The following COL27A1 variants were observed in gnomAD, a reference collection of about 807,000 sequenced individuals.
COL27A1 encodes collagen alpha-1(XXVII) chain.
Under a neutral mutation model 251.3 loss-of-function variants are expected in COL27A1, and 106 were observed. That is an observed-to-expected ratio of 0.42 (90% CI 0.36 to 0.50). The LOEUF is 0.50. COL27A1 is among the 20% of genes least tolerant of loss of function. COL27A1 has a pLI of 0.00. For synonymous variants in COL27A1, 1,000 were observed against 986.3 expected (o/e 1.01, Z -0.26); for missense variants, 2,325 against 2,522.8 (o/e 0.92, Z 1.68).
rs773468575 is a variant in COL27A1 at position 114,167,855 on chromosome 9, G to T, written c.300G>T (p.Leu100=). 4.3e-6 allele frequency: 7 copies of T among 1,613,510 alleles called. No individual in the cohort carries two copies. The South Asian group carries it at 7.7e-5, about 18-fold the overall frequency. Residue 100 remains leucine, a synonymous_variant, in exon 3 of 61, where the codon CTG becomes CTT. Coordinates refer to ENST00000356083, the MANE Select transcript of COL27A1 (RefSeq NM_032888.4). The part of the protein sequence containing the change: ...IPAALGTELA[L]VLSLCSHRVN... ...CCGCCTTGGGCACAGAGCTGGCACT[G>T]GTGCTGAGCCTCTGCTCCCACCGGG...
At chr9:114,239,825 C>T in intron 19 of COL27A1, among the ~76,000 whole-genome samples, 1 of 152,198 alleles carries the variant, frequency 6.6e-6, no homozygotes, top group Non-Finnish European at 1.5e-5. Context: ...AAATCATCCT[C>T]TTTGCAGGAT....
chr9:114,245,380 C>T (rs1000050541), intron 23 of COL27A1, among the ~76,000 whole-genome samples: 11 of 152,102 alleles, frequency 7.2e-5, no homozygotes, highest in Non-Finnish European at 1.3e-4. Flanking sequence ...TGGTCTCGAA[C>T]TCCTGACCTC....
intron 11 of COL27A1, 42 bp from the exon 12 acceptor site, chr9:114,210,940 C>A (rs745629240): frequency 1.2e-6 from 2 of 1,610,154 alleles, no homozygotes; most frequent in Admixed American, 1.7e-5. Context: ...GCTGTCCCTG[C>A]TGGCATCCTG....
In COL27A1 at chr9:114,217,459, C is replaced by A. The variant is rs112188235; in HGVS notation, c.2368-2332C>A. On this transcript the variant is annotated intron_variant, in intron 12 of 60. Transcript: ENST00000356083. ...CTGGAATGGCCTCTGAATGCAGACC[C>A]ATGGGTCTGAGACCTGCCTGGCAGC... Among the ~76,000 whole-genome samples, 16 of 152,314 alleles carry A rather than the reference C, an allele frequency of 1.1e-4. 1 individual carries two copies. The highest frequency in any genetic ancestry group is 2.9e-4 in the African/African-American group (12 of 41,572).
chr9:114,179,631 C>T (rs922541858), intron 4 of COL27A1, among the ~76,000 whole-genome samples: 2 of 152,244 alleles, frequency 1.3e-5, no homozygotes, highest in East Asian at 3.8e-4. Flanking sequence ...TCATTGACCA[C>T]TAAACTCTGT....
chr9:114,183,038 A>G lies in COL27A1; in HGVS notation c.1979A>G (p.Tyr660Cys). Residue 660 changes from tyrosine (Y) to cysteine (C), a missense_variant, in exon 5 of 61, where the codon TAT (tyrosine) becomes TGT (cysteine). This residue lies in a region of COL27A1 where 1,183 missense variants were observed against 1,144.1 expected (regional missense o/e 1.03). Coordinates refer to ENST00000356083, the MANE Select transcript of COL27A1 (RefSeq NM_032888.4). ...CTCTTTCAGGGTCCTCCTGGGCCTTATGGAAATCCAGGTCTCCCCGGCCCT... is the reference window on the plus strand; with the variant it reads ...CTCTTTCAGGGTCCTCCTGGGCCTTGTGGAAATCCAGGTCTCCCCGGCCCT... ...ARGPRGPPGPYGNPGLPGPPG... is the reference protein window; with the variant it reads ...ARGPRGPPGPCGNPGLPGPPG... 2 of 1,613,604 alleles carry G rather than the reference A, an allele frequency of 1.2e-6. No homozygotes were observed. The highest frequency in any genetic ancestry group is 1.7e-6 in the Non-Finnish European group (2 of 1,179,936).
At chr9:114,164,596 G>A (rs1316850152) in intron 2 of COL27A1, among the ~76,000 whole-genome samples, 6 of 152,224 alleles carry the variant, frequency 3.9e-5, no homozygotes. Context: ...GATGTGAGCA[G>A]GCCTGAGGGG....
intron 3 of COL27A1, among the ~76,000 whole-genome samples, chr9:114,170,369 C>T (rs995906928): frequency 1.2e-4 from 19 of 152,182 alleles, no homozygotes; most frequent in Admixed American, 1.2e-3. Context: ...CCAATTCCTC[C>T]GGGTGGGGAA....
chr9:114,300,256 A>G, intron 50 of COL27A1, 133 bp downstream of exon 50: 1 of 848,834 alleles, frequency 1.2e-6, no homozygotes, highest in Non-Finnish European at 1.9e-6. Context: ...AGGCATGAAC[A>G]CCCTCATCCC....
At chr9:114,296,299 C>T (rs1471816534) in intron 49 of COL27A1, among the ~76,000 whole-genome samples, 2 of 152,138 alleles carry the variant, frequency 1.3e-5, no homozygotes, top group African/African-American at 4.8e-5. Context: ...ATTTCTAAAT[C>T]ATGTATCTGA....
intron 49 of COL27A1, among the ~76,000 whole-genome samples, chr9:114,293,635 C>T (rs1211792170): frequency 6.7e-6 from 1 of 149,538 alleles, no homozygotes; most frequent in Non-Finnish European, 1.5e-5. Context: ...CAGGAAACAA[C>T]AAAAACAACA....
chr9:114,215,460 T>C (rs975430505), intron 12 of COL27A1, among the ~76,000 whole-genome samples: 3 of 152,204 alleles, frequency 2.0e-5, no homozygotes, highest in African/African-American at 7.2e-5. Context: ...TGGAGAGAAC[T>C]CTGCCTTCCT....
At chr9:114,156,092 C>A (rs1436889797) in intron 1 of COL27A1, 80 bp downstream of exon 1, 10 of 1,287,184 alleles carry the variant, frequency 7.8e-6, no homozygotes, top group East Asian at 2.8e-5. Flanking sequence ...CCCCGCCATG[C>A]GGTCGCTTCC....
chr9:114,246,717 C>T (rs567238452), intron 24 of COL27A1, among the ~76,000 whole-genome samples: 1 of 152,318 alleles, frequency 6.6e-6, no homozygotes, highest in Admixed American at 6.5e-5. Context: ...TGGGCTTCCT[C>T]ACCAGGCCTG....
At chr9:114,164,511 A>T (rs1224974658) in intron 2 of COL27A1, among the ~76,000 whole-genome samples, 1 of 152,202 alleles carries the variant, frequency 6.6e-6, no homozygotes, top group African/African-American at 2.4e-5. Flanking sequence ...AACCTCACCC[A>T]TGCTGCCTGG....
rs539634511 is a variant in COL27A1 at position 114,224,949 on chromosome 9, T to A, written c.2466+2682T>A. Among the ~76,000 whole-genome samples the A allele has an allele frequency of 3.9e-5, 6 of 152,182 alleles. No individual in the cohort carries two copies. The South Asian group carries it at 1.0e-3, about 26-fold the overall frequency. ...TGGTACCTCCTGGTTCTTTAAAAGG[T>A]CATTCTTACCTGTGCTCTCCGCTGC... On this transcript the variant is annotated intron_variant, in intron 14 of 60. Transcript: ENST00000356083.
chr9:114,259,810 C>T (rs1416112417), intron 28 of COL27A1, among the ~76,000 whole-genome samples: 1 of 152,218 alleles, frequency 6.6e-6, no homozygotes, highest in Non-Finnish European at 1.5e-5. Context: ...GTGCCGGCAG[C>T]CCAGGCCTGA....
rs56094843 is a variant in COL27A1 at position 114,311,548 on chromosome 9, G to GAAAAAAAAAAAAAAAAACAAAAAAA, written c.*870_*871insCAAAAAAAAAAAAAAAAAAAAAAAA. 1.0e-5 allele frequency: 1 copy of GAAAAAAAAAAAAAAAAACAAAAAAA among 96,224 alleles called. No homozygotes were observed. Among genetic ancestry groups the GAAAAAAAAAAAAAAAAACAAAAAAA allele is most frequent in the Non-Finnish European group, 2.4e-5 (1 of 41,946 alleles). The allele number at this position is 96,224 out of a possible 1,614,324, so 6.0% of individuals were successfully genotyped here. On this transcript the variant is annotated 3_prime_UTR_variant, in exon 61 of 61. Transcript: ENST00000356083. ...AGGAGGAAAAAAGAAAAGAAAAAAGGAAAAAAAAAAAAAAAAAGCAAAACA... is the reference window on the plus strand; with the variant it reads ...AGGAGGAAAAAAGAAAAGAAAAAAGGAAAAAAAAAAAAAAAAACAAAAAAAAAAAAAAAAAAAAAAAAGCAAAACA...
At chr9:114,303,237 CTTTTCTTTTTTTT>C (rs900750290) in intron 56 of COL27A1, among the ~76,000 whole-genome samples, 1 of 136,868 alleles carries the variant, frequency 7.3e-6, no homozygotes, top group Non-Finnish European at 1.6e-5. Context: ...CTTTTTTTTT[CTTTTCTTTTTTTT>C]TTTTTTGAGA....
Sources: allele counts gnomAD v4.1 joint callset (sites outside exome capture counted in the v4.1 genomes callset), GRCh38; gene constraint gnomAD v4.1.1; regional missense constraint gnomAD v4.1.1; transcripts MANE v1.5; gene names NCBI Gene and HGNC (gene_info 2026-07-23, HGNC 2026-07-21).